The following ZNF236 variants were observed in gnomAD, a reference collection of about 807,000 sequenced individuals.
ZNF236 encodes regulated by glucose.
A neutral mutation model predicts 191.2 loss-of-function variants in ZNF236; 50 were observed. The ratio of observed to expected loss-of-function variants is 0.26; its 90% CI spans 0.21 to 0.33. The LOEUF is 0.33. Ranked by LOEUF, ZNF236 falls within the 10% of genes least tolerant of loss-of-function variation. The pLI is 1.00. For synonymous variants in ZNF236, 907 were observed against 928.8 expected, an observed-to-expected ratio of 0.98 and a Z score of 0.43; for missense variants, 1,754 against 2,374.5, an observed-to-expected ratio of 0.74 and a Z score of 5.43.
In ZNF236 at chr18:76,871,758, G is replaced by A. The variant is rs144913116; in HGVS notation, c.600G>A (p.Ser200=). The A allele has an allele frequency of 2.7e-5, 43 of 1,614,160 alleles. No homozygotes were observed. In the East Asian group the frequency reaches 2.7e-4, roughly 10 times the overall value. The change falls in exon 5 of 31, where the codon TCG becomes TCA. Residue 200 remains serine, a synonymous_variant. Transcript: ENST00000320610. ...RNIDRSGFTY[S]CPHCGKTFQK... is the part of the protein sequence containing the mutation. ...TCGACAGAAGTGGATTCACGTATTC[G>A]TGTCCGCACTGTGGAAAGACGTTTC...
At chr18:76,890,425 A>G (rs1326623432) in intron 9 of ZNF236, among the ~76,000 whole-genome samples, 1 of 152,226 alleles carries the variant, frequency 6.6e-6, no homozygotes, top group Non-Finnish European at 1.5e-5. Context: ...CATTGGTGTC[A>G]GTAACATACT....
In ZNF236 at chr18:76,913,920, G is replaced by A. The variant is rs764254408; in HGVS notation, c.3061+22G>A. The A allele has an allele frequency of 3.1e-6, 5 of 1,612,742 alleles. No homozygotes were observed. The African/African-American group carries it at 6.7e-5, about 22-fold the overall frequency. On this transcript the variant is annotated intron_variant, in intron 18 of 30. Coordinates refer to ENST00000320610, the MANE Select transcript of ZNF236 (RefSeq NM_001306089.2). ...ACAGGTCACTGTCTGCCTTATACTTGGAGATTAGTCCTTTAAAGAAAAAAG... is the reference window on the plus strand; with the variant it reads ...ACAGGTCACTGTCTGCCTTATACTTAGAGATTAGTCCTTTAAAGAAAAAAG...
chr18:76,852,153 G>A (rs900276877), intron 3 of ZNF236, among the ~76,000 whole-genome samples: 3 of 152,170 alleles, frequency 2.0e-5, no homozygotes, highest in African/African-American at 7.2e-5. Context: ...ACATTTTAAT[G>A]TGTAGTATAT....
intron 25 of ZNF236, among the ~76,000 whole-genome samples, chr18:76,936,809 G>T (rs1026587031): frequency 2.0e-5 from 3 of 152,110 alleles, no homozygotes; most frequent in Non-Finnish European, 2.9e-5. Context: ...TGGTCTCTTT[G>T]GTTGTGGATG....
chr18:76,957,909 A>G (rs894203131), intron 28 of ZNF236, among the ~76,000 whole-genome samples: 2 of 152,256 alleles, frequency 1.3e-5, no homozygotes, highest in Non-Finnish European at 2.9e-5. Flanking sequence ...AGCAATTGCA[A>G]CACAAGCCAA....
In ZNF236 at chr18:76,927,086, A is replaced by C. The variant is rs758023080; in HGVS notation, c.4077A>C (p.Leu1359=). The change falls in exon 23 of 31, where the codon CTA becomes CTC. Residue 1359 remains leucine, a synonymous_variant. Transcript: ENST00000320610. The surrounding 1 kb of genome is among the most constrained non-coding windows in gnomAD (Gnocchi z 5.4). ...TGACAGATGGGAGCCTGGCTACCCT[A>C]GAAGGCATCCAGTTACAGTTGGCTG... The part of the protein sequence containing the change: ...VSLTDGSLAT[L]EGIQLQLAAN... 1.9e-6 allele frequency: 3 copies of C among 1,613,870 alleles called. No individual in the cohort carries two copies. Among genetic ancestry groups the C allele is most frequent in the Non-Finnish European group, 1.7e-6 (2 of 1,179,948 alleles).
chr18:76,894,139 A>C (rs1977327215), intron 9 of ZNF236, among the ~76,000 whole-genome samples: 1 of 152,260 alleles, frequency 6.6e-6, no homozygotes, highest in Non-Finnish European at 1.5e-5. Context: ...AAAATTTTAA[A>C]AATAAGGTGA....
chr18:76,832,851 C>T (rs1298065003), intron 1 of ZNF236, among the ~76,000 whole-genome samples: 2 of 152,044 alleles, frequency 1.3e-5, no homozygotes, highest in African/African-American at 4.8e-5. Context: ...GTCTTTGAAT[C>T]TAAACATGAT....
intron 3 of ZNF236, among the ~76,000 whole-genome samples, chr18:76,862,421 G>A (rs536644044): frequency 1.3e-5 from 2 of 152,268 alleles, no homozygotes; most frequent in African/African-American, 4.8e-5. Flanking sequence ...TCCCTTGGGA[G>A]CTGGCAGCAC....
intron 30 of ZNF236, among the ~76,000 whole-genome samples, chr18:76,961,991 G>A (rs568659135): frequency 2.0e-5 from 3 of 152,244 alleles, no homozygotes; most frequent in Admixed American, 1.3e-4. Context: ...TGTATAGATA[G>A]TGAAGATTTT....
rs569369739 is a variant in ZNF236 at position 76,835,242 on chromosome 18, C to T, written c.55+12580C>T. Among the ~76,000 whole-genome samples the T allele has an allele frequency of 1.8e-4, 28 of 152,198 alleles. No individual in the cohort carries two copies. In the South Asian group the frequency reaches 4.1e-3, roughly 23 times the overall value. On this transcript the variant is annotated intron_variant, in intron 1 of 30. Transcript: ENST00000320610. ...AAATTACCTTCATTGTTACTGATTT[C>T]TAGTTTACTTGGGTTGTTGTCAGAG...
chr18:76,850,743 C>T (rs1228700947), intron 2 of ZNF236, among the ~76,000 whole-genome samples: 2 of 151,958 alleles, frequency 1.3e-5, no homozygotes, highest in African/African-American at 2.4e-5. Context: ...GCTGGGATTA[C>T]AGGCATGCAC....
intron 26 of ZNF236, among the ~76,000 whole-genome samples, chr18:76,945,598 G>A (rs1040882149): frequency 2.6e-5 from 4 of 152,146 alleles, no homozygotes; most frequent in African/African-American, 9.7e-5. Context: ...CTAGCCTGGC[G>A]AACATAGTGA....
chr18:76,881,579 C>T lies in ZNF236; in HGVS notation c.1417+67C>T, dbSNP rs1976902468. 4 of 1,391,550 alleles carry T rather than the reference C, an allele frequency of 2.9e-6. No homozygotes were observed. In the Admixed American group the frequency reaches 8.5e-5, roughly 30 times the overall value. 86.2% of individuals were successfully genotyped at this position (1,391,550 alleles called of 1,614,324 possible). A position where few individuals can be genotyped will look rare whatever the true frequency, so the allele number is the denominator to read the frequency against. Reference sequence around the variant, plus strand: ...ATATTGCTGGTTTTTAAGAAATGTGCCCTTCTTTTTTCCTCTGAAGGTGAT... The same window carrying T: ...ATATTGCTGGTTTTTAAGAAATGTGTCCTTCTTTTTTCCTCTGAAGGTGAT... On this transcript the variant is annotated intron_variant, in intron 9 of 30. Coordinates refer to ENST00000320610, the MANE Select transcript of ZNF236 (RefSeq NM_001306089.2).
chr18:76,834,658 A>C, intron 1 of ZNF236: 1 of 443,154 alleles, frequency 2.3e-6, no homozygotes, highest in Non-Finnish European at 4.4e-6. Flanking sequence ...TGTAGAGGAC[A>C]TATTTCTTCC....
chr18:76,822,945 C>T (rs967145747), intron 1 of ZNF236, among the ~76,000 whole-genome samples: 8 of 148,044 alleles, frequency 5.4e-5, no homozygotes, highest in African/African-American at 1.7e-4. Flanking sequence ...AGCAGGCGGC[C>T]GCCTCCTGCG....
In ZNF236 at chr18:76,861,880, T is replaced by C. The variant is rs9966359; in HGVS notation, c.364-6805T>C. Among the ~76,000 whole-genome samples the C allele has an allele frequency of 5.2e-3, 794 of 152,304 alleles. 7 individuals are homozygous for C. The highest frequency in any genetic ancestry group is 0.018 in the African/African-American group (738 of 41,554). On this transcript the variant is annotated intron_variant, in intron 3 of 30. Transcript: ENST00000320610. Reference sequence around the variant, plus strand: ...CCATTATTTCTTTTTTCTTTTCTTTTTGAGACAGAGTTTCGCTCTTGTCGC... The same window carrying C: ...CCATTATTTCTTTTTTCTTTTCTTTCTGAGACAGAGTTTCGCTCTTGTCGC...
At chr18:76,888,918 G>A (rs1977145108) in intron 9 of ZNF236, among the ~76,000 whole-genome samples, 1 of 152,214 alleles carries the variant, frequency 6.6e-6, no homozygotes, top group South Asian at 2.1e-4. Flanking sequence ...AAGCTGGCTG[G>A]GTGGTCTATG....
intron 27 of ZNF236, among the ~76,000 whole-genome samples, chr18:76,954,901 G>A (rs1968486014): frequency 6.6e-6 from 1 of 151,994 alleles, no homozygotes; most frequent in Non-Finnish European, 1.5e-5. Context: ...TTAAATTATA[G>A]CACAGATTAA....
Sources: gnomAD v4.1 joint callset for allele counts (sites outside exome capture counted in the v4.1 genomes callset) on GRCh38, gnomAD v4.1.1 for gene constraint, Gnocchi (gnomAD v3.1) non-coding constraint, MANE v1.5 for transcripts, NCBI Gene and HGNC (gene_info 2026-07-23, HGNC 2026-07-21) for gene names.